STAP1: variants seen among roughly 807,000 people sequenced by gnomAD.
STAP1 encodes signal-transducing adaptor protein 1.
In STAP1, 30 loss-of-function variants were observed where a neutral mutation model predicts 37.8. That is an observed-to-expected ratio of 0.79 (90% confidence interval 0.59 to 1.08). The LOEUF is 1.08. STAP1 is among the 50% of genes least tolerant of loss of function. The pLI, the probability that STAP1 is intolerant of heterozygous loss-of-function variation, is 0.00. For synonymous variants in STAP1, 130 were observed against 116.0 expected (o/e 1.12, Z -0.78); for missense variants, 357 against 349.4 (o/e 1.02, Z -0.17).
intron 8 of STAP1, among the ~76,000 whole-genome samples, chr4:67,604,224 C>G (rs934600671): frequency 3.3e-5 from 5 of 152,232 alleles, no homozygotes; most frequent in Non-Finnish European, 7.3e-5. Flanking sequence ...TCTCTCTGCA[C>G]GAGCAGCCAC....
chr4:67,602,985 CACCAG>C (rs1215907186), intron 8 of STAP1, among the ~76,000 whole-genome samples: 1 of 152,142 alleles, frequency 6.6e-6, no homozygotes, highest in Non-Finnish European at 1.5e-5. Flanking sequence ...AGCTCCTCCA[CACCAG>C]ACCAGAGTGA....
Position 67,577,236 on chromosome 4 carries a change from G to A in STAP1, c.340G>A (p.Gly114Ser). The change falls in exon 4 of 9, where the codon GGC becomes AGC. Residue 114 changes from glycine (G) to serine (S), a missense_variant. Physicochemically the swap from Gly to Ser is moderately conservative, Grantham distance 56. Transcript: ENST00000265404. Reference protein sequence around the residue: ...ENTESGEEWRGFILTVTELSV... With the variant: ...ENTESGEEWRSFILTVTELSV... ...CACAGAAAGTGGGGAAGAATGGAGA[G>A]GCTTCATTCTTACAGTAACAGAGGT... 1.2e-6 allele frequency: 2 copies of A among 1,609,400 alleles called. No individual in the cohort carries two copies. Among genetic ancestry groups the A allele is most frequent in the Non-Finnish European group, 1.7e-6 (2 of 1,178,038 alleles).
chr4:67,581,248 A>G, intron 4 of STAP1, 57 bp from the exon 5 acceptor site: 5 of 1,550,530 alleles, frequency 3.2e-6, no homozygotes, highest in South Asian at 1.2e-5. Context: ...CGTCTTTACT[A>G]AAGTTATAAG....
intron 2 of STAP1, among the ~76,000 whole-genome samples, chr4:67,575,016 T>C (rs1727687435): frequency 6.6e-6 from 1 of 152,198 alleles, no homozygotes; most frequent in African/African-American, 2.4e-5. Flanking sequence ...TAAATAACCT[T>C]AAGAACATAG....
intron 6 of STAP1, among the ~76,000 whole-genome samples, chr4:67,585,257 C>A (rs1278226703): frequency 6.6e-6 from 1 of 152,150 alleles, no homozygotes; most frequent in Non-Finnish European, 1.5e-5. Flanking sequence ...TATACTATAA[C>A]ATATCTATCA....
chr4:67,560,809 C>T (rs1353396421), intron 1 of STAP1, among the ~76,000 whole-genome samples: 4 of 151,948 alleles, frequency 2.6e-5, no homozygotes, highest in Non-Finnish European at 5.9e-5. Flanking sequence ...ATACCACACC[C>T]GGCTAACGTT....
At chr4:67,595,645 C>A (rs1440657468) in intron 8 of STAP1, among the ~76,000 whole-genome samples, 1 of 152,074 alleles carries the variant, frequency 6.6e-6, no homozygotes, top group Non-Finnish European at 1.5e-5. Flanking sequence ...ATGTTCCTAC[C>A]CTTTTGCCAC....
intron 4 of STAP1, among the ~76,000 whole-genome samples, chr4:67,579,091 T>A (rs1727792547): frequency 6.6e-6 from 1 of 152,180 alleles, no homozygotes; most frequent in Admixed American, 6.5e-5. Context: ...CCACCTCAAG[T>A]GATCCTCCCA....
chr4:67,573,662 A>AAT, intron 2 of STAP1, among the ~76,000 whole-genome samples: 1 of 152,280 alleles, frequency 6.6e-6, no homozygotes, highest in East Asian at 1.9e-4. Flanking sequence ...GATGTTTTAA[A>AAT]ATATATATAC....
intron 5 of STAP1, 59 bp from the exon 6 acceptor site, chr4:67,583,515 C>T: frequency 6.7e-7 from 1 of 1,488,274 alleles, no homozygotes; most frequent in South Asian, 1.3e-5. Flanking sequence ...GTATTTTTTT[C>T]AAGTAATGAT....
At chr4:67,576,005 A>C (rs1433820227) in intron 3 of STAP1, among the ~76,000 whole-genome samples, 1 of 152,214 alleles carries the variant, frequency 6.6e-6, no homozygotes, top group Non-Finnish European at 1.5e-5. Flanking sequence ...GATGATTTGC[A>C]GATATGATAG....
At chr4:67,575,759 G>A (rs772552725) in intron 3 of STAP1, among the ~76,000 whole-genome samples, 4 of 152,168 alleles carry the variant, frequency 2.6e-5, no homozygotes, top group Non-Finnish European at 5.9e-5. Flanking sequence ...GTTTGCTAAG[G>A]TTGTTCTTGA....
At position 67,581,435 on chromosome 4, in the gene STAP1, C is replaced by T. The variant is rs775370641; in HGVS notation, c.494C>T (p.Thr165Ile). ...TCCGTGGAAAAAGAGAAGGAACCAA[C>T]TGAAGATTATGTGGATGTACTGAAC... ...STSVEKEKEP[T>I]EDYVDVLNPM... The change falls in exon 5 of 9, where the codon ACT becomes ATT. Residue 165 changes from threonine (T) to isoleucine (I), a missense_variant. Thr to Ile is a moderately conservative substitution (Grantham distance 89). Coordinates refer to ENST00000265404, the MANE Select transcript of STAP1 (RefSeq NM_012108.4). The T allele has an allele frequency of 1.4e-5, 23 of 1,613,604 alleles. No individual in the cohort carries two copies. The highest frequency in any genetic ancestry group is 1.6e-4 in the Middle Eastern group (1 of 6,082).
chr4:67,603,683 G>A (rs1211806914), intron 8 of STAP1, among the ~76,000 whole-genome samples: 7 of 152,110 alleles, frequency 4.6e-5, no homozygotes, highest in Non-Finnish European at 1.0e-4. Flanking sequence ...AGAAGCTAGG[G>A]CCTGAAATGG....
intron 4 of STAP1, among the ~76,000 whole-genome samples, chr4:67,580,246 G>A (rs1727821108): frequency 1.3e-5 from 2 of 152,080 alleles, no homozygotes; most frequent in African/African-American, 4.8e-5. Flanking sequence ...ATAAAGATAT[G>A]TGTTTCATTA....
chr4:67,583,599 G>C lies in STAP1; in HGVS notation c.556G>C (p.Glu186Gln), dbSNP rs1727913553. 3 of 1,613,418 alleles carry C rather than the reference G, an allele frequency of 1.9e-6. No individual in the cohort carries two copies. Among genetic ancestry groups the C allele is most frequent in the Middle Eastern group, 1.6e-4 (1 of 6,080 alleles). The change falls in exon 6 of 9, where the codon GAG becomes CAG. Residue 186 changes from glutamate (E) to glutamine (Q), a missense_variant. Coordinates refer to ENST00000265404, the MANE Select transcript of STAP1 (RefSeq NM_012108.4). ...PACFYTVSRK[E>Q]ATEMLQKNPS... ...ATGTTTTTATACAGTGTCCCGGAAA[G>C]AGGCAACTGAGATGCTCCAGAAGAA... is the stretch of plus-strand genomic sequence containing the variant.
intron 7 of STAP1, among the ~76,000 whole-genome samples, chr4:67,592,596 A>T (rs1267522726): frequency 6.6e-6 from 1 of 152,178 alleles, no homozygotes. Context: ...GAACCATCTG[A>T]TTAGGAAACT....
chr4:67,583,178 A>G (rs1392090852), intron 5 of STAP1, among the ~76,000 whole-genome samples: 2 of 152,224 alleles, frequency 1.3e-5, no homozygotes, highest in African/African-American at 4.8e-5. Flanking sequence ...CATAGACCAT[A>G]CAAGAGAAAC....
intron 2 of STAP1, 42 bp downstream of exon 2, chr4:67,571,197 A>G (rs1727598826): frequency 7.5e-7 from 1 of 1,334,538 alleles, no homozygotes; most frequent in Non-Finnish European, 1.1e-6. Context: ...TTCCCAATAT[A>G]CCCTTGTCAC....
Sources: gnomAD v4.1 joint callset for allele counts (sites outside exome capture counted in the v4.1 genomes callset) on GRCh38, gnomAD v4.1.1 for gene constraint, MANE v1.5 for transcripts, NCBI Gene and HGNC (gene_info 2026-07-23, HGNC 2026-07-21) for gene names.